LRRC49: variants seen among roughly 807,000 people sequenced by gnomAD.
LRRC49 encodes the protein leucine-rich repeat-containing protein 49.
A neutral mutation model predicts 83.3 loss-of-function variants in LRRC49; 50 were observed. The ratio of observed to expected loss-of-function variants is 0.60; its 90% CI spans 0.48 to 0.76. The LOEUF (loss-of-function observed/expected upper bound fraction) is 0.76, where lower values mean the gene tolerates loss of function less well. LRRC49 is among the 30% of genes least tolerant of loss of function. LRRC49 has a pLI of 0.00. For synonymous variants in LRRC49, 286 were observed against 283.3 expected (o/e 1.01, Z -0.10); for missense variants, 704 against 809.1 (o/e 0.87, Z 1.58).
intron 7 of LRRC49, among the ~76,000 whole-genome samples, chr15:70,936,108 G>A (rs2141157078): frequency 6.6e-6 from 1 of 152,144 alleles, no homozygotes; most frequent in Middle Eastern, 3.4e-3. Flanking sequence ...TATTTAAACA[G>A]CAGTGGTATG....
intron 2 of LRRC49, chr15:70,882,957 A>G (rs1528828): frequency 1 from 1,591,548 of 1,596,116 alleles, 793,609 homozygotes; most frequent in East Asian, 1. Flanking sequence ...ACCTTATAGG[A>G]TTTTATCTTT....
chr15:70,917,871 A>G (rs1393027014), intron 6 of LRRC49, among the ~76,000 whole-genome samples: 2 of 152,208 alleles, frequency 1.3e-5, no homozygotes, highest in Admixed American at 6.5e-5. Context: ...GCAAGGCTAA[A>G]AGAGCTATAA....
chr15:70,940,359 G>C (rs539837749), intron 8 of LRRC49, among the ~76,000 whole-genome samples: 33 of 150,658 alleles, frequency 2.2e-4, no homozygotes, highest in South Asian at 8.4e-4. Context: ...TGGGTTCATG[G>C]CATTCTCCTG....
At chr15:70,976,005 C>T (rs998780207) in intron 9 of LRRC49, among the ~76,000 whole-genome samples, 4 of 152,138 alleles carry the variant, frequency 2.6e-5, no homozygotes, top group Non-Finnish European at 4.4e-5. Flanking sequence ...GTAGTCACTG[C>T]GGAAGCCTAT....
At chr15:70,874,069 A>G (rs1053758142) in intron 2 of LRRC49, among the ~76,000 whole-genome samples, 6 of 152,158 alleles carry the variant, frequency 3.9e-5, no homozygotes, top group African/African-American at 1.4e-4. Flanking sequence ...TAGTCCAGCT[A>G]GGGAACCTTC....
At chr15:70,886,608 C>A (rs2033414164) in intron 2 of LRRC49, among the ~76,000 whole-genome samples, 1 of 152,158 alleles carries the variant, frequency 6.6e-6, no homozygotes, top group Admixed American at 6.5e-5. Context: ...TGGCTCACGC[C>A]TGTAATCCCA....
At chr15:70,907,709 A>G (rs2034375291) in intron 5 of LRRC49, 1 of 266,510 alleles carries the variant, frequency 3.8e-6, no homozygotes, top group Non-Finnish European at 7.7e-6. Context: ...TTATCCTGGC[A>G]TCAGTAACAT....
intron 5 of LRRC49, chr15:70,908,033 G>A (rs187640539): frequency 1.4e-4 from 66 of 455,936 alleles, no homozygotes; most frequent in African/African-American, 1.1e-3. Flanking sequence ...GGTGGAAAGA[G>A]AATTTATGCC....
chr15:70,859,502 A>T (rs1220213821), intron 1 of LRRC49: 1 of 686,628 alleles, frequency 1.5e-6, no homozygotes, highest in Non-Finnish European at 2.7e-6. Context: ...TGCTGAGGTC[A>T]AGGTGCAGTA....
rs747265537 is a variant in LRRC49, at chr15:70,919,109, G to A, written c.627G>A (p.Arg209=). ...LCELRVLNLA[R]NFLSHVDNLN... ...AGTTGAGAGTTTTAAATCTTGCCAG[G>A]AACTTTTTAAGTCATGTTGATAATC... is the stretch of plus-strand genomic sequence containing the variant. Residue 209 remains arginine (R), a synonymous_variant, in exon 7 of 16, where the codon AGG becomes AGA. Coordinates refer to ENST00000260382, the MANE Select transcript of LRRC49 (RefSeq NM_017691.5). 1.9e-6 allele frequency: 3 copies of A among 1,612,082 alleles called. No homozygotes were observed. The Admixed American group carries it at 5.0e-5, about 27-fold the overall frequency.
chr15:71,049,386 A>C, intron 15 of LRRC49, 23 bp from the exon 16 acceptor site: 1 of 1,481,214 alleles, frequency 6.8e-7, no homozygotes. Flanking sequence ...ATTTAATACA[A>C]AACTTTCTCT....
intron 2 of LRRC49, among the ~76,000 whole-genome samples, chr15:70,879,501 A>T (rs1170883887): frequency 2.6e-5 from 4 of 152,328 alleles, no homozygotes; most frequent in African/African-American, 9.6e-5. Flanking sequence ...ACTTGGCTGG[A>T]CTCAAACTCC....
At chr15:70,947,210 G>T (rs2036041001) in intron 8 of LRRC49, among the ~76,000 whole-genome samples, 1 of 152,072 alleles carries the variant, frequency 6.6e-6, no homozygotes, top group African/African-American at 2.4e-5. Flanking sequence ...ATATCCTGAG[G>T]ATGTGTTATT....
At chr15:70,865,490 T>C (rs1956565214) in intron 1 of LRRC49, among the ~76,000 whole-genome samples, 1 of 152,222 alleles carries the variant, frequency 6.6e-6, no homozygotes, top group African/African-American at 2.4e-5. Context: ...CCAAGAATGT[T>C]CATTATGCTT....
At chr15:70,999,320 G>A (rs1280819452) in intron 11 of LRRC49, among the ~76,000 whole-genome samples, 1 of 151,936 alleles carries the variant, frequency 6.6e-6, no homozygotes, top group African/African-American at 2.4e-5. Flanking sequence ...TGTTGTTGCT[G>A]CTTGTTTTGA....
Position 70,984,132 on chromosome 15 carries a change from G to C in LRRC49, c.1044G>C (p.Gln348His). 1.3e-6 allele frequency: 2 copies of C among 1,590,286 alleles called. No homozygotes were observed. Among genetic ancestry groups the C allele is most frequent in the Non-Finnish European group, 1.7e-6 (2 of 1,168,624 alleles). The stretch of plus-strand genomic sequence containing the variant: ...TAACAATTAACAACGTAGCTCGACA[G>C]TGGGACTTGCAACAACAACGAGTAG... ...KRLTINNVAR[Q>H]WDLQQQRVAN... Residue 348 changes from glutamine to histidine, a missense_variant, in exon 11 of 16, where the codon CAG (glutamine) becomes CAC (histidine). Gln to His is a conservative substitution (Grantham distance 24, BLOSUM62 0). Coordinates refer to ENST00000260382, the MANE Select transcript of LRRC49 (RefSeq NM_017691.5).
chr15:70,875,744 T>C (rs2141079852), intron 2 of LRRC49, among the ~76,000 whole-genome samples: 1 of 152,310 alleles, frequency 6.6e-6, no homozygotes, highest in Non-Finnish European at 1.5e-5. Flanking sequence ...CCCAGAGAGA[T>C]AATGTAATTT....
In LRRC49 at chr15:70,907,512, C is replaced by T. The variant is rs546815133; in HGVS notation, c.500+2757C>T. 3.9e-5 allele frequency: 6 copies of T among 154,360 alleles called. No individual in the cohort carries two copies. In the South Asian group the frequency reaches 6.0e-4, roughly 15 times the overall value. The allele number at this position is 154,360 out of a possible 1,614,324, so 9.6% of individuals were successfully genotyped here. On this transcript the variant is annotated intron_variant, in intron 5 of 15. Transcript: ENST00000260382. ...TCCTCTCCAGGTCCTCTGCCACCCT[C>T]GTCATTACAGGCTAATGCATAGAAC...
Position 70,984,105 on chromosome 15 carries a change from G to T in LRRC49, c.1017G>T (p.Arg339Ser). Residue 339 changes from arginine to serine, a missense_variant, in exon 11 of 16, where the codon AGG (arginine) becomes AGT (serine). Arg to Ser is a moderately radical substitution (Grantham distance 110). This residue lies in a region of LRRC49 where 168 missense variants were observed against 140.6 expected (regional missense o/e 1.20). Transcript: ENST00000260382. The part of the protein sequence containing the change: ...HKQSLLKEKK[R>S]LTINNVARQW... ...TAACTTTTTCATAGGAGAAGAAAAGGTTAACAATTAACAACGTAGCTCGAC... is the reference window on the plus strand; with the variant it reads ...TAACTTTTTCATAGGAGAAGAAAAGTTTAACAATTAACAACGTAGCTCGAC... 6.2e-7 allele frequency: 1 copy of T among 1,612,332 alleles called. No homozygotes were observed. The highest frequency in any genetic ancestry group is 1.3e-5 in the African/African-American group (1 of 74,894).
Sources: allele counts gnomAD v4.1 joint callset (sites outside exome capture counted in the v4.1 genomes callset), GRCh38; gene constraint gnomAD v4.1.1; regional missense constraint gnomAD v4.1.1; transcripts MANE v1.5; gene names NCBI Gene and HGNC (gene_info 2026-07-23, HGNC 2026-07-21).